Variants in STK32B observed in about 807,000 individuals in gnomAD.
STK32B encodes the protein serine/threonine-protein kinase 32B.
Under a neutral mutation model 52.6 loss-of-function variants are expected in STK32B, and 43 were observed. The ratio of observed to expected loss-of-function variants is 0.82; its 90% CI spans 0.64 to 1.05. The LOEUF is 1.05. Among genes scored for constraint, STK32B ranks in the 50% least tolerant of loss-of-function variants. STK32B has a pLI of 0.00. For synonymous variants in STK32B, 238 were observed against 204.3 expected (o/e 1.17, Z -1.41); for missense variants, 621 against 534.6 (o/e 1.16, Z -1.59).
rs546657853 is a variant in STK32B at position 5,240,523 on chromosome 4, G to C, written c.260+72073G>C. Among the ~76,000 whole-genome samples, 252 of 152,198 alleles carry C rather than the reference G, an allele frequency of 1.7e-3. 5 individuals are homozygous for C. The highest frequency in any genetic ancestry group is 0.015 in the Admixed American group (227 of 15,282). ...CACCCAGGATGGAGTGCAGTGGCAT[G>C]ATCTCTGCTCACTGCAACCTCCGCC... On this transcript the variant is annotated intron_variant, in intron 3 of 11. Coordinates refer to ENST00000282908, the MANE Select transcript of STK32B (RefSeq NM_018401.3).
At chr4:5,186,192 A>G (rs1720723131) in intron 3 of STK32B, among the ~76,000 whole-genome samples, 1 of 152,010 alleles carries the variant, frequency 6.6e-6, no homozygotes, top group South Asian at 2.1e-4. Flanking sequence ...CACCTCCTCC[A>G]TCAGCCCTCC....
intron 3 of STK32B, among the ~76,000 whole-genome samples, chr4:5,200,337 AT>A (rs1456266759): frequency 2.1e-5 from 3 of 145,362 alleles, no homozygotes; most frequent in Non-Finnish European, 4.5e-5. Flanking sequence ...TTTTATCCTC[AT>A]TTTGTTTTCT....
At chr4:5,373,046 A>G (rs753259273) in intron 4 of STK32B, among the ~76,000 whole-genome samples, 6 of 152,196 alleles carry the variant, frequency 3.9e-5, no homozygotes, top group African/African-American at 7.2e-5. Context: ...GGGTCAGCCT[A>G]TAAAGCCAGA....
chr4:5,441,497 T>C (rs1201387210), intron 6 of STK32B, among the ~76,000 whole-genome samples: 1 of 151,158 alleles, frequency 6.6e-6, no homozygotes, highest in African/African-American at 2.4e-5. Flanking sequence ...CTTCTCTTTT[T>C]TTCTTTATTA....
chr4:5,302,552 A>C (rs1487837207), intron 3 of STK32B, among the ~76,000 whole-genome samples: 2 of 152,114 alleles, frequency 1.3e-5, no homozygotes, highest in East Asian at 3.9e-4. Context: ...TTAATACAGA[A>C]CCATTTACTG....
chr4:5,373,881 A>G (rs1735408210), intron 4 of STK32B, among the ~76,000 whole-genome samples: 1 of 152,186 alleles, frequency 6.6e-6, no homozygotes, highest in Non-Finnish European at 1.5e-5. Context: ...CACACCAACA[A>G]ATACTACCTA....
rs1405062183 is a variant in STK32B at position 5,398,479 on chromosome 4, A to C, written c.472+235A>C. ...TTCGCATCTGAAGTCATTGCTGTTC[A>C]TATCCCCGTGTGAGGAGGACAGGGC... is the stretch of plus-strand genomic sequence containing the variant. On this transcript the variant is annotated intron_variant, in intron 5 of 11. Transcript: ENST00000282908. The surrounding 1 kb of genome is among the most constrained non-coding windows in gnomAD (Gnocchi z 4.9). Among the ~76,000 whole-genome samples the C allele has an allele frequency of 6.6e-6, 1 of 152,126 alleles. No homozygotes were observed. The highest frequency in any genetic ancestry group is 2.4e-5 in the African/African-American group (1 of 41,416).
At chr4:5,324,007 G>T (rs1238761037) in intron 3 of STK32B, among the ~76,000 whole-genome samples, 2 of 152,202 alleles carry the variant, frequency 1.3e-5, no homozygotes, top group Non-Finnish European at 2.9e-5. Flanking sequence ...AAGGCAGTTT[G>T]TAATAACTCC....
At chr4:5,127,233 A>G (rs1355337002) in intron 1 of STK32B, 3 of 453,084 alleles carry the variant, frequency 6.6e-6, no homozygotes, top group African/African-American at 6.0e-5. Context: ...AGAAAATTTA[A>G]ATGTCCTCGT....
intron 4 of STK32B, among the ~76,000 whole-genome samples, chr4:5,369,305 A>G (rs1203277000): frequency 2.0e-5 from 3 of 151,842 alleles, no homozygotes; most frequent in Non-Finnish European, 4.4e-5. Context: ...CCAGCTCCAA[A>G]TCATTTACCT....
At chr4:5,355,625 T>C (rs373238575) in intron 4 of STK32B, among the ~76,000 whole-genome samples, 389 of 152,282 alleles carry the variant, frequency 2.6e-3, no homozygotes, top group African/African-American at 8.6e-3. Context: ...GTGGGATGTT[T>C]AGGTGGAGCT....
Position 5,386,219 on chromosome 4 carries a change from G to T in STK32B, c.435-11988G>T, listed in dbSNP as rs367892968. On this transcript the variant is annotated intron_variant, in intron 4 of 11. Coordinates refer to ENST00000282908, the MANE Select transcript of STK32B (RefSeq NM_018401.3). The surrounding 1 kb of genome is among the most constrained non-coding windows in gnomAD (Gnocchi z 4.5). ...ACTCTCCCCCTCTATTTCCCTCAGCGTATCATATTATGCAGTTTTATCTTT... is the reference window on the plus strand; with the variant it reads ...ACTCTCCCCCTCTATTTCCCTCAGCTTATCATATTATGCAGTTTTATCTTT... Among the ~76,000 whole-genome samples the T allele has an allele frequency of 6.6e-6, 1 of 151,862 alleles. No individual in the cohort carries two copies. The highest frequency in any genetic ancestry group is 1.5e-5 in the Non-Finnish European group (1 of 68,006).
At chr4:5,133,549 A>G (rs1002471340) in intron 1 of STK32B, among the ~76,000 whole-genome samples, 2 of 152,222 alleles carry the variant, frequency 1.3e-5, no homozygotes, top group Non-Finnish European at 2.9e-5. Flanking sequence ...TCAGCAATGA[A>G]CAAGACTGTG....
intron 6 of STK32B, among the ~76,000 whole-genome samples, chr4:5,445,577 C>A (rs1715325310): frequency 6.6e-6 from 1 of 152,054 alleles, no homozygotes; most frequent in African/African-American, 2.4e-5. Flanking sequence ...AGACAAGGAC[C>A]CCAGGACAAA....
chr4:5,194,241 C>T (rs1721466169), intron 3 of STK32B, among the ~76,000 whole-genome samples: 1 of 152,194 alleles, frequency 6.6e-6, no homozygotes, highest in South Asian at 2.1e-4. Flanking sequence ...TTGTTCTCTG[C>T]TGTGTTCCCC....
chr4:5,128,720 C>T (rs1436418791), intron 1 of STK32B, among the ~76,000 whole-genome samples: 3 of 152,184 alleles, frequency 2.0e-5, no homozygotes, highest in Non-Finnish European at 4.4e-5. Context: ...AAAGTCTCTT[C>T]TGAACAACTG....
chr4:5,047,374 G>T (rs1041327823), upstream of STK32B, among the ~76,000 whole-genome samples: 2 of 151,684 alleles, frequency 1.3e-5, no homozygotes, highest in Admixed American at 1.3e-4. Flanking sequence ...CTAGAGGAGG[G>T]GTCAATAGGT....
intron 4 of STK32B, among the ~76,000 whole-genome samples, chr4:5,371,591 A>AG (rs1236362427): frequency 6.6e-6 from 1 of 152,172 alleles, no homozygotes; most frequent in Non-Finnish European, 1.5e-5. Context: ...AGCCGGCTGA[A>AG]GGGGAGGTGG....
At chr4:5,313,015 C>G (rs958312078) in intron 3 of STK32B, among the ~76,000 whole-genome samples, 1 of 151,694 alleles carries the variant, frequency 6.6e-6, no homozygotes, top group Non-Finnish European at 1.5e-5. Flanking sequence ...CAGATGAAGA[C>G]AGTATGATAA....
Sources: allele counts gnomAD v4.1 joint callset (sites outside exome capture counted in the v4.1 genomes callset), GRCh38; gene constraint gnomAD v4.1.1; non-coding constraint Gnocchi (gnomAD v3.1); transcripts MANE v1.5; gene names NCBI Gene and HGNC (gene_info 2026-07-23, HGNC 2026-07-21).